PARL: variants seen among roughly 807,000 people sequenced by gnomAD.
PARL encodes presenilin associated rhomboid like.
Under a neutral mutation model 51.6 loss-of-function variants are expected in PARL, and 44 were observed. The observed-to-expected ratio is 0.85, with a 90% CI of 0.67 to 1.10. The LOEUF is 1.10. PARL is among the 50% of genes least tolerant of loss of function. PARL has a pLI of 0.00. For synonymous variants in PARL, 172 were observed against 164.0 expected (o/e 1.05, Z -0.37); for missense variants, 441 against 469.5 (o/e 0.94, Z 0.56).
intron 7 of PARL, 45 bp from the exon 8 acceptor site, chr3:183,833,870 C>A (rs747972493): frequency 4.2e-6 from 5 of 1,190,504 alleles, no homozygotes; most frequent in African/African-American, 1.5e-5. Context: ...CAATATGCAA[C>A]TGCTTAGTGG....
At chr3:183,828,740 C>T (rs140068334), downstream of PARL, among the ~76,000 whole-genome samples, 431 of 152,258 alleles carry the variant, frequency 2.8e-3, no homozygotes, top group African/African-American at 9.7e-3. Context: ...TCAGGGCCTT[C>T]GATCCTCCCA....
At chr3:183,832,399 T>C (rs1365068114) in intron 9 of PARL, among the ~76,000 whole-genome samples, 1 of 152,086 alleles carries the variant, frequency 6.6e-6, no homozygotes, top group Non-Finnish European at 1.5e-5. Flanking sequence ...TTTTGTATTT[T>C]TAGTAGAGAC....
intron 7 of PARL, among the ~76,000 whole-genome samples, chr3:183,836,992 C>G (rs1364815586): frequency 6.6e-6 from 1 of 152,184 alleles, no homozygotes; most frequent in Non-Finnish European, 1.5e-5. Context: ...CCACCCACCT[C>G]GGCCTCCCAA....
intron 7 of PARL, among the ~76,000 whole-genome samples, chr3:183,835,840 A>AACC (rs1728511528): frequency 6.6e-6 from 1 of 152,016 alleles, no homozygotes; most frequent in Non-Finnish European, 1.5e-5. Flanking sequence ...ATCTCAAAAA[A>AACC]ACCCCAAAAC....
chr3:183,827,862 G>A (rs1260165904), downstream of PARL, among the ~76,000 whole-genome samples: 3 of 152,166 alleles, frequency 2.0e-5, no homozygotes, highest in African/African-American at 4.8e-5. Flanking sequence ...GATAACTGAG[G>A]CTTCAGCAAG....
At chr3:183,872,899 A>G (rs1190590178) in intron 1 of PARL, among the ~76,000 whole-genome samples, 2 of 152,194 alleles carry the variant, frequency 1.3e-5, no homozygotes, top group East Asian at 3.8e-4. Flanking sequence ...GGATTCAGAC[A>G]CTAACCTTGA....
intron 7 of PARL, among the ~76,000 whole-genome samples, chr3:183,836,260 C>G (rs889291181): frequency 7.1e-6 from 1 of 140,668 alleles, no homozygotes; most frequent in African/African-American, 2.7e-5. Context: ...CTATGAAGTT[C>G]TTCTAAACTA....
intron 5 of PARL, among the ~76,000 whole-genome samples, chr3:183,843,915 T>G (rs1218439874): frequency 6.6e-6 from 1 of 152,132 alleles, no homozygotes; most frequent in East Asian, 1.9e-4. Flanking sequence ...GGCGGGCACC[T>G]GTAATCCTAG....
In PARL at chr3:183,844,326, C is replaced by A. The variant is rs766122682; in HGVS notation, c.512G>T (p.Gly171Val). 2 of 1,548,188 alleles carry A rather than the reference C, an allele frequency of 1.3e-6. No homozygotes were observed. The highest frequency in any genetic ancestry group is 1.1e-5 in the South Asian group (1 of 89,714). ...TACAAGGACATTTGCAGCTATAATA[C>A]CTACAAAATAAATATTTATAATTTA... ...NLSDGQRTVT[G>V]IIAANVLVFC... The change falls in exon 5 of 10, where the codon GGT becomes GTT. Residue 171 changes from glycine to valine, a missense_variant and splice_region_variant. Physicochemically the swap from Gly to Val is moderately radical, Grantham distance 109. Transcript: ENST00000317096.
chr3:183,878,021 G>A (rs919302143), intron 1 of PARL, among the ~76,000 whole-genome samples: 1 of 152,112 alleles, frequency 6.6e-6, no homozygotes, highest in African/African-American at 2.4e-5. Flanking sequence ...GAACTCCTGA[G>A]CTCAAGTGAT....
chr3:183,852,777 CA>C (rs1361090250), intron 4 of PARL, among the ~76,000 whole-genome samples: 2 of 151,736 alleles, frequency 1.3e-5, no homozygotes, highest in African/African-American at 4.8e-5. Flanking sequence ...TTAAAAAATA[CA>C]AAAAAAATTG....
intron 4 of PARL, among the ~76,000 whole-genome samples, chr3:183,858,417 G>C (rs758353348): frequency 6.6e-6 from 1 of 152,242 alleles, no homozygotes; most frequent in Admixed American, 6.5e-5. Flanking sequence ...AAAGACTGGA[G>C]AGTAGTAGTG....
intron 2 of PARL, among the ~76,000 whole-genome samples, chr3:183,867,066 T>C (rs898662620): frequency 7.2e-5 from 11 of 152,012 alleles, no homozygotes; most frequent in African/African-American, 2.2e-4. Context: ...GGTACCTGCC[T>C]CCAGGCCCGG....
Position 183,884,880 on chromosome 3 carries a change from T to C in PARL, c.-34A>G, listed in dbSNP as rs372608371. The stretch of plus-strand genomic sequence containing the variant: ...CCTCTGCCCCACCATGGCCCGACCT[T>C]ACCAACCCCAGCTGCGCAACTACTT... On this transcript the variant is annotated 5_prime_UTR_variant, in exon 1 of 10. Coordinates refer to ENST00000317096, the MANE Select transcript of PARL (RefSeq NM_018622.7). 5 of 1,595,390 alleles carry C rather than the reference T, an allele frequency of 3.1e-6. No individual in the cohort carries two copies. Among genetic ancestry groups the C allele is most frequent in the Non-Finnish European group, 3.4e-6 (4 of 1,179,062 alleles).
intron 1 of PARL, among the ~76,000 whole-genome samples, chr3:183,875,954 T>C (rs1468439616): frequency 2.6e-5 from 4 of 152,234 alleles, no homozygotes. Context: ...AGAATGATGG[T>C]AAACTACTCT....
intron 4 of PARL, among the ~76,000 whole-genome samples, chr3:183,855,371 C>G (rs1339144733): frequency 6.6e-6 from 1 of 152,148 alleles, no homozygotes; most frequent in African/African-American, 2.4e-5. Flanking sequence ...AAGCAATCCT[C>G]TGACCTCGGC....
chr3:183,871,176 C>G (rs1733151541), intron 1 of PARL, among the ~76,000 whole-genome samples: 1 of 151,938 alleles, frequency 6.6e-6, no homozygotes, highest in African/African-American at 2.4e-5. Context: ...GTACTATACT[C>G]AAAGTAAGGT....
intron 1 of PARL, among the ~76,000 whole-genome samples, chr3:183,874,218 C>T (rs1203408764): frequency 6.6e-6 from 1 of 152,096 alleles, no homozygotes; most frequent in African/African-American, 2.4e-5. Context: ...AGACAATGAA[C>T]TTAATAATGT....
At chr3:183,870,693 T>A (rs1029917925) in intron 1 of PARL, among the ~76,000 whole-genome samples, 3 of 152,120 alleles carry the variant, frequency 2.0e-5, no homozygotes, top group Admixed American at 1.3e-4. Context: ...TAACTTTTCA[T>A]CACCCCATCA....
Sources: allele counts gnomAD v4.1 joint callset (sites outside exome capture counted in the v4.1 genomes callset), GRCh38; gene constraint gnomAD v4.1.1; transcripts MANE v1.5; gene names NCBI Gene and HGNC (gene_info 2026-07-23, HGNC 2026-07-21).